The following PCLO variants were observed in gnomAD, a reference collection of about 807,000 sequenced individuals.
The protein encoded by PCLO is protein piccolo.
A neutral mutation model predicts 427.5 loss-of-function variants in PCLO; 82 were observed. That is an observed-to-expected ratio of 0.19 (90% CI 0.16 to 0.23). PCLO has a LOEUF of 0.23. Ranked by LOEUF, PCLO falls within the 10% of genes least tolerant of loss-of-function variation. PCLO has a pLI of 1.00. For missense variants in PCLO, 6,239 were observed against 6,115.9 expected (o/e 1.02, Z -0.67); for synonymous variants, 2,357 against 2,155.4 (o/e 1.09, Z -2.59).
chr7:82,957,693 G>T (rs1265639875), intron 4 of PCLO, among the ~76,000 whole-genome samples: 2 of 152,206 alleles, frequency 1.3e-5, no homozygotes, highest in African/African-American at 4.8e-5. Flanking sequence ...TATTTCTATA[G>T]AGTTGTTAAT....
At chr7:82,777,593 G>GT (rs1203864331) in intron 22 of PCLO, among the ~76,000 whole-genome samples, 3 of 152,164 alleles carry the variant, frequency 2.0e-5, no homozygotes, top group Admixed American at 1.3e-4. Flanking sequence ...AAATAAGGCT[G>GT]TACACCTACA....
At chr7:83,093,047 T>C (rs996634695) in intron 3 of PCLO, among the ~76,000 whole-genome samples, 7 of 151,926 alleles carry the variant, frequency 4.6e-5, no homozygotes, top group Non-Finnish European at 1.5e-5. Flanking sequence ...AATTCATGAC[T>C]ATTGCTAGGC....
chr7:83,087,931 T>C (rs1345312029), intron 3 of PCLO, among the ~76,000 whole-genome samples: 1 of 152,224 alleles, frequency 6.6e-6, no homozygotes, highest in Admixed American at 6.5e-5. Flanking sequence ...TTTAACTGCA[T>C]TATAAATTGC....
intron 3 of PCLO, among the ~76,000 whole-genome samples, chr7:83,019,545 GT>G (rs1788290660): frequency 6.6e-6 from 1 of 151,750 alleles, no homozygotes; most frequent in Non-Finnish European, 1.5e-5. Context: ...CCCTAGAAAT[GT>G]TCATATGATG....
chr7:83,090,774 T>A (rs1414229278), intron 3 of PCLO, among the ~76,000 whole-genome samples: 1 of 152,164 alleles, frequency 6.6e-6, no homozygotes, highest in Non-Finnish European at 1.5e-5. Flanking sequence ...AACTTGGAAC[T>A]AAAACAGTAT....
chr7:83,116,443 T>C (rs1791134190), intron 3 of PCLO, among the ~76,000 whole-genome samples: 1 of 152,218 alleles, frequency 6.6e-6, no homozygotes, highest in African/African-American at 2.4e-5. Flanking sequence ...TCCTACTGTT[T>C]CTTTTGTTCA....
Position 82,914,979 on chromosome 7 carries a change from C to A in PCLO, c.13007G>T (p.Arg4336Ile), listed in dbSNP as rs375926854. ...VSFSHASSSA[R>I]TKPTSLPISQ... Reference sequence around the variant, plus strand: ...AATTGGCAAACTGGTCGGCTTAGTTCTGGCAGAGGATGATGCATGACTAAA... The same window carrying A: ...AATTGGCAAACTGGTCGGCTTAGTTATGGCAGAGGATGATGCATGACTAAA... Residue 4336 changes from arginine (R) to isoleucine (I), a missense_variant, in exon 7 of 25, where the codon AGA (arginine) becomes ATA (isoleucine). Around this residue, in one of 5 missense-constraint regions of PCLO, gnomAD observed 680 missense variants for 677.3 expected, o/e 1.00. Transcript: ENST00000333891. The A allele has an allele frequency of 1.7e-5, 28 of 1,613,574 alleles. No individual in the cohort carries two copies. Among genetic ancestry groups the A allele is most frequent in the Non-Finnish European group, 2.2e-5 (26 of 1,179,764 alleles).
At chr7:82,936,455 C>A (rs1794955494) in intron 6 of PCLO, among the ~76,000 whole-genome samples, 1 of 151,536 alleles carries the variant, frequency 6.6e-6, no homozygotes, top group African/African-American at 2.4e-5. Flanking sequence ...ATGAAAATCA[C>A]AATCACAATG....
chr7:82,959,252 A>G (rs1459853707), intron 4 of PCLO, among the ~76,000 whole-genome samples: 2 of 152,002 alleles, frequency 1.3e-5, no homozygotes, highest in East Asian at 3.9e-4. Flanking sequence ...TTTTTAGTAG[A>G]GACGGGTTTC....
At chr7:82,760,303 T>G (rs530471118) in intron 24 of PCLO, among the ~76,000 whole-genome samples, 2 of 152,008 alleles carry the variant, frequency 1.3e-5, no homozygotes, top group South Asian at 4.1e-4. Flanking sequence ...ACTAAAGGGA[T>G]AAGGCATAAA....
At chr7:83,069,415 G>A (rs187206483) in intron 3 of PCLO, among the ~76,000 whole-genome samples, 57 of 152,210 alleles carry the variant, frequency 3.7e-4, no homozygotes, top group South Asian at 1.0e-3. Context: ...TAATAATTAC[G>A]TAATGTATAC....
intron 10 of PCLO, among the ~76,000 whole-genome samples, chr7:82,861,077 C>T (rs1352003154): frequency 2.6e-5 from 4 of 151,710 alleles, no homozygotes; most frequent in African/African-American, 4.8e-5. Flanking sequence ...AAATAAACAA[C>T]AAAATGGCAG....
chr7:82,984,005 C>G (rs1796203863), intron 3 of PCLO, among the ~76,000 whole-genome samples: 1 of 151,872 alleles, frequency 6.6e-6, no homozygotes, highest in Non-Finnish European at 1.5e-5. Context: ...TCTGTTGGGA[C>G]TTAACTATAT....
chr7:83,085,438 T>C (rs951422488), intron 3 of PCLO, among the ~76,000 whole-genome samples: 1 of 152,144 alleles, frequency 6.6e-6, no homozygotes. Flanking sequence ...ACACAACTGG[T>C]AAAAACTTGA....
At chr7:83,068,576 A>G (rs2116342915) in intron 3 of PCLO, among the ~76,000 whole-genome samples, 1 of 152,230 alleles carries the variant, frequency 6.6e-6, no homozygotes, top group Non-Finnish European at 1.5e-5. Context: ...AAAATTACGA[A>G]TAAGATATCA....
intron 3 of PCLO, among the ~76,000 whole-genome samples, chr7:83,007,227 C>A (rs1374524002): frequency 1.3e-5 from 2 of 151,178 alleles, no homozygotes; most frequent in Non-Finnish European, 3.0e-5. Context: ...AAACAATTCC[C>A]AAGGGAAAAA....
At chr7:83,048,632 G>A (rs1380880975) in intron 3 of PCLO, among the ~76,000 whole-genome samples, 1 of 152,162 alleles carries the variant, frequency 6.6e-6, no homozygotes, top group African/African-American at 2.4e-5. Flanking sequence ...AAAGAAAGCA[G>A]TATTCCCTGA....
At chr7:82,939,071 T>C (rs934368855) in intron 6 of PCLO, among the ~76,000 whole-genome samples, 1 of 152,094 alleles carries the variant, frequency 6.6e-6, no homozygotes, top group Non-Finnish European at 1.5e-5. Context: ...CCCGCGAACC[T>C]TTCCATTCTT....
rs1215611087 is a variant in PCLO at position 83,120,941 on chromosome 7, T to C, written c.3300+13309A>G. ...AATGATAACAAAAATATATACAGAA[T>C]ATTGTAACACTGTAATTGTGGTATG... On this transcript the variant is annotated intron_variant, in intron 3 of 24. Coordinates refer to ENST00000333891, the MANE Select transcript of PCLO (RefSeq NM_033026.6). Among the ~76,000 whole-genome samples the C allele has an allele frequency of 2.0e-5, 3 of 152,140 alleles. No individual in the cohort carries two copies. In the East Asian group the frequency reaches 5.8e-4, roughly 29 times the overall value.
Sources: allele counts gnomAD v4.1 joint callset (sites outside exome capture counted in the v4.1 genomes callset), GRCh38; gene constraint gnomAD v4.1.1; regional missense constraint gnomAD v4.1.1; transcripts MANE v1.5; gene names NCBI Gene and HGNC (gene_info 2026-07-23, HGNC 2026-07-21).